Variants in HECW2 observed in about 807,000 individuals in gnomAD.
The protein encoded by HECW2 is HECT, C2 and WW domain containing E3 ubiquitin protein ligase 2.
In HECW2, 61 loss-of-function variants were observed where a neutral mutation model predicts 175.2. That is an observed-to-expected ratio of 0.35 (90% CI 0.28 to 0.43). HECW2 has a LOEUF of 0.43. Among genes scored for constraint, HECW2 ranks in the 20% least tolerant of loss-of-function variants. HECW2 has a pLI of 1.00. For missense variants in HECW2, 1,524 were observed against 2,000.5 expected, an observed-to-expected ratio of 0.76 and a Z score of 4.54; for synonymous variants, 671 against 731.0, an observed-to-expected ratio of 0.92 and a Z score of 1.32.
At chr2:196,560,446 C>T (rs541146595) in intron 1 of HECW2, among the ~76,000 whole-genome samples, 1 of 152,290 alleles carries the variant, frequency 6.6e-6, no homozygotes, top group Admixed American at 6.5e-5. Flanking sequence ...TGTGCCCAGC[C>T]TTAACCACTG....
intron 2 of HECW2, among the ~76,000 whole-genome samples, chr2:196,345,035 A>C (rs1457105226): frequency 6.6e-6 from 1 of 152,192 alleles, no homozygotes; most frequent in African/African-American, 2.4e-5. Context: ...CCTTTCATGC[A>C]TTTGCATTGA....
intron 1 of HECW2, among the ~76,000 whole-genome samples, chr2:196,491,509 C>T (rs1462848236): frequency 1.9e-4 from 29 of 148,908 alleles, no homozygotes; most frequent in African/African-American, 6.7e-4. Flanking sequence ...TATACACACA[C>T]ACACACACAC....
Position 196,319,399 on chromosome 2 carries a change from A to T in HECW2, c.1491T>A (p.Ala497=), listed in dbSNP as rs1691849311. Reference sequence around the variant, plus strand: ...TCTGAGATGTCAGGCTTCCATCATCAGCTCTGGATGCCCTGCTAAACATGA... The same window carrying T: ...TCTGAGATGTCAGGCTTCCATCATCTGCTCTGGATGCCCTGCTAAACATGA... ...GLIMFSRASR[A]DDGSLTSQTK... The change falls in exon 9 of 29, where the codon GCT becomes GCA. Residue 497 remains alanine, a synonymous_variant. Coordinates refer to ENST00000644978, the MANE Select transcript of HECW2 (RefSeq NM_001348768.2). 3 of 1,613,916 alleles carry T rather than the reference A, an allele frequency of 1.9e-6. No homozygotes were observed. The highest frequency in any genetic ancestry group is 8.5e-7 in the Non-Finnish European group (1 of 1,180,006).
intron 1 of HECW2, among the ~76,000 whole-genome samples, chr2:196,478,939 C>T (rs756463899): frequency 4.6e-5 from 7 of 152,108 alleles, no homozygotes; most frequent in Non-Finnish European, 8.8e-5. Context: ...AGAGGCCAAG[C>T]GGCACTCATT....
At chr2:196,331,297 T>C (rs1390598424) in intron 4 of HECW2, 2 of 984,432 alleles carry the variant, frequency 2.0e-6, no homozygotes, top group African/African-American at 1.7e-5. Flanking sequence ...CGTTTCCAGA[T>C]TAACTAGGGC....
chr2:196,566,027 T>C (rs539814486), intron 1 of HECW2, among the ~76,000 whole-genome samples: 5 of 152,144 alleles, frequency 3.3e-5, no homozygotes, highest in African/African-American at 4.8e-5. Flanking sequence ...TTAAATTACA[T>C]AGGCATTTTA....
intron 21 of HECW2, chr2:196,239,357 GTTT>G (rs1209263895): frequency 6.6e-6 from 1 of 152,228 alleles, no homozygotes; most frequent in Non-Finnish European, 1.5e-5. Context: ...GAGTGCAGGA[GTTT>G]TGCTTAGGTC....
At chr2:196,259,172 C>T (rs976946494) in intron 17 of HECW2, among the ~76,000 whole-genome samples, 35 of 152,154 alleles carry the variant, frequency 2.3e-4, no homozygotes, top group African/African-American at 2.4e-5. Flanking sequence ...TGGGGTTTTG[C>T]CATGTTCGCC....
chr2:196,322,689 G>T, intron 6 of HECW2, 69 bp from the exon 7 acceptor site: 1 of 1,380,588 alleles, frequency 7.2e-7, no homozygotes. Flanking sequence ...CATTTTATTT[G>T]TATAGGAAAT....
chr2:196,210,518 G>A (rs1386739288), intron 28 of HECW2, among the ~76,000 whole-genome samples: 1 of 151,812 alleles, frequency 6.6e-6, no homozygotes, highest in Non-Finnish European at 1.5e-5. Context: ...ACATTGGATT[G>A]ATACATATGT....
At chr2:196,292,929 G>C (rs187255364) in intron 13 of HECW2, among the ~76,000 whole-genome samples, 179 bp from the exon 14 acceptor site, 1 of 152,168 alleles carries the variant, frequency 6.6e-6, no homozygotes, top group Non-Finnish European at 1.5e-5. Context: ...TGAACAAAAT[G>C]AAACATAAAG....
At chr2:196,452,150 A>T (rs753189842) in intron 1 of HECW2, among the ~76,000 whole-genome samples, 12 of 152,174 alleles carry the variant, frequency 7.9e-5, no homozygotes, top group Non-Finnish European at 1.8e-4. Context: ...GTGGCTATTG[A>T]TCATTTGAAA....
At chr2:196,310,555 T>C (rs902159227) in intron 10 of HECW2, among the ~76,000 whole-genome samples, 1 of 152,200 alleles carries the variant, frequency 6.6e-6, no homozygotes, top group African/African-American at 2.4e-5. Flanking sequence ...TGCTCCAACA[T>C]CTTATATGTC....
chr2:196,273,636 G>A (rs1190607898), intron 16 of HECW2, among the ~76,000 whole-genome samples: 2 of 152,162 alleles, frequency 1.3e-5, no homozygotes, highest in Non-Finnish European at 2.9e-5. Context: ...GGCTGCTACA[G>A]ATTCACACAC....
In HECW2 at chr2:196,220,310, G is replaced by A. The variant is rs145284068; in HGVS notation, c.4294-157C>T. On this transcript the variant is annotated intron_variant, in intron 25 of 28. Coordinates refer to ENST00000644978, the MANE Select transcript of HECW2 (RefSeq NM_001348768.2). Reference sequence around the variant, plus strand: ...CCTGTAAAGCTCCCTACAAATATAAGGCATTCTTTAGTATAAGGTTGATGA... The same window carrying A: ...CCTGTAAAGCTCCCTACAAATATAAAGCATTCTTTAGTATAAGGTTGATGA... Among the ~76,000 whole-genome samples, 727 of 152,284 alleles carry A rather than the reference G, an allele frequency of 4.8e-3. 14 individuals carry two copies. Among genetic ancestry groups the A allele is most frequent in the African/African-American group, 0.016 (685 of 41,560 alleles).
intron 1 of HECW2, among the ~76,000 whole-genome samples, chr2:196,536,606 T>G (rs564827400): frequency 6.6e-6 from 1 of 152,314 alleles, no homozygotes; most frequent in South Asian, 2.1e-4. Flanking sequence ...TGCCATTTTG[T>G]TCCCAGACCC....
chr2:196,356,018 C>A (rs1053338004), intron 2 of HECW2, among the ~76,000 whole-genome samples: 2 of 152,112 alleles, frequency 1.3e-5, no homozygotes, highest in African/African-American at 4.8e-5. Context: ...AGAAGCAAGC[C>A]TACCATGTTC....
chr2:196,220,374 C>T (rs1027807586), intron 25 of HECW2, among the ~76,000 whole-genome samples: 2 of 152,172 alleles, frequency 1.3e-5, no homozygotes, highest in Admixed American at 1.3e-4. Context: ...TAATTGATTG[C>T]TGATTAATCT....
chr2:196,424,881 A>C (rs1695499817), intron 2 of HECW2, among the ~76,000 whole-genome samples: 1 of 152,200 alleles, frequency 6.6e-6, no homozygotes, highest in Non-Finnish European at 1.5e-5. Context: ...ACACTAAACA[A>C]ATGATTTTCA....
Sources: gnomAD v4.1 joint callset for allele counts (sites outside exome capture counted in the v4.1 genomes callset) on GRCh38, gnomAD v4.1.1 for gene constraint, MANE v1.5 for transcripts, NCBI Gene and HGNC (gene_info 2026-07-23, HGNC 2026-07-21) for gene names.